The following PTK2B variants were observed in gnomAD, a reference collection of about 807,000 sequenced individuals.
PTK2B encodes protein tyrosine kinase 2 beta.
A neutral mutation model predicts 142.9 loss-of-function variants in PTK2B; 71 were observed. The ratio of observed to expected loss-of-function variants is 0.50; its 90% confidence interval spans 0.41 to 0.61. The LOEUF (loss-of-function observed/expected upper bound fraction) is 0.61. Ranked by LOEUF, PTK2B falls within the 20% of genes least tolerant of loss-of-function variation. PTK2B has a pLI of 0.00. For synonymous variants in PTK2B, 519 were observed against 503.4 expected (o/e 1.03, Z -0.42); for missense variants, 1,105 against 1,320.4 (o/e 0.84, Z 2.53).
chr8:27,430,822 G>C (rs1349392180), intron 7 of PTK2B, 54 bp from the exon 8 acceptor site: 14 of 1,591,600 alleles, frequency 8.8e-6, no homozygotes, highest in South Asian at 1.1e-5. Context: ...CTAAGGGAAG[G>C]AGTGAGACCT....
At chr8:27,397,475 C>G in intron 1 of PTK2B, 73 bp from the exon 2 acceptor site, 2 of 1,169,346 alleles carry the variant, frequency 1.7e-6, no homozygotes, top group Non-Finnish European at 2.5e-6. Context: ...TCGGTGGGTG[C>G]TGTCCCTGGG....
chr8:27,399,886 G>T (rs1808270869), intron 2 of PTK2B, among the ~76,000 whole-genome samples: 1 of 152,110 alleles, frequency 6.6e-6, no homozygotes, highest in Non-Finnish European at 1.5e-5. Context: ...AACTGATCTG[G>T]GCTTCAGTCT....
intron 2 of PTK2B, among the ~76,000 whole-genome samples, chr8:27,416,065 C>A (rs1207022946): frequency 6.6e-6 from 1 of 152,064 alleles, no homozygotes; most frequent in East Asian, 1.9e-4. Context: ...TAGCATGACC[C>A]AAACTCTATA....
chr8:27,450,259 A>T (rs1811718352), intron 24 of PTK2B, among the ~76,000 whole-genome samples: 1 of 152,156 alleles, frequency 6.6e-6, no homozygotes, highest in Admixed American at 6.5e-5. Context: ...AAGCTTCCAG[A>T]CCTGCCACCT....
chr8:27,395,033 CT>C (rs1341513535), intron 1 of PTK2B, among the ~76,000 whole-genome samples: 2 of 152,112 alleles, frequency 1.3e-5, no homozygotes, highest in African/African-American at 2.4e-5. Context: ...TGGATACCCC[CT>C]GAAGGACCTG....
chr8:27,393,794 C>T (rs969671811), intron 1 of PTK2B, among the ~76,000 whole-genome samples: 4 of 152,112 alleles, frequency 2.6e-5, no homozygotes, highest in African/African-American at 9.7e-5. Context: ...ATCCCTCACC[C>T]CCCAGAGTGG....
intron 1 of PTK2B, among the ~76,000 whole-genome samples, chr8:27,349,989 G>C (rs2130445651): frequency 6.6e-6 from 1 of 152,316 alleles, no homozygotes; most frequent in South Asian, 2.1e-4. Context: ...TTATCACCCG[G>C]TCAAGACTTC....
chr8:27,434,120 A>G lies in PTK2B; in HGVS notation c.1133A>G (p.Gln378Arg), dbSNP rs1429256178. The G allele has an allele frequency of 1.9e-6, 3 of 1,614,106 alleles. No individual in the cohort carries two copies. Among genetic ancestry groups the G allele is most frequent in the East Asian group, 2.2e-5 (1 of 44,866 alleles). Residue 378 changes from glutamine (Q) to arginine (R), a missense_variant, in exon 12 of 31, where the codon CAG (glutamine) becomes CGG (arginine). Physicochemically the swap from Gln to Arg is conservative, Grantham distance 43. Transcript: ENST00000346049. ...KDGEKRNSLP[Q>R]IPMLNLEARR... ...GGTGAGAAGCGGAACAGCCTGCCCCAGATCCCCATGCTGTGAGTACAATGG... is the reference window on the plus strand; with the variant it reads ...GGTGAGAAGCGGAACAGCCTGCCCCGGATCCCCATGCTGTGAGTACAATGG...
intron 1 of PTK2B, among the ~76,000 whole-genome samples, chr8:27,327,407 A>G (rs1179404309): frequency 2.1e-5 from 3 of 141,584 alleles, no homozygotes; most frequent in Non-Finnish European, 4.8e-5. Context: ...TAAGCACTCA[A>G]TGGTTTTTTT....
At chr8:27,374,138 G>A (rs1006931111) in intron 1 of PTK2B, among the ~76,000 whole-genome samples, 2 of 152,220 alleles carry the variant, frequency 1.3e-5, no homozygotes, top group Non-Finnish European at 2.9e-5. Context: ...CTGAGGGGCA[G>A]CAGGGGCTGC....
At chr8:27,402,794 C>A (rs1808460983) in intron 2 of PTK2B, among the ~76,000 whole-genome samples, 1 of 152,178 alleles carries the variant, frequency 6.6e-6, no homozygotes, top group Non-Finnish European at 1.5e-5. Context: ...ATGGCTACAA[C>A]CTTCATTTAA....
chr8:27,419,877 C>A lies in PTK2B; in HGVS notation c.205-18C>A. 1 of 1,613,466 alleles carries A rather than the reference C, an allele frequency of 6.2e-7. No homozygotes were observed. The highest frequency in any genetic ancestry group is 8.5e-7 in the Non-Finnish European group (1 of 1,179,594). On this transcript the variant is annotated intron_variant, in intron 2 of 30. Transcript: ENST00000346049. ...AGGTGGGCACCCCTGAGTCATGCCT[C>A]TCTCTTCTCCTCTGCAGGAGATCAT...
chr8:27,401,190 G>C (rs1275575586), intron 2 of PTK2B, among the ~76,000 whole-genome samples: 1 of 152,140 alleles, frequency 6.6e-6, no homozygotes, highest in Non-Finnish European at 1.5e-5. Context: ...CTTCTAAAAG[G>C]CTGATACAGA....
rs991697563 is a variant in PTK2B, at chr8:27,387,343, A to C, written c.-37-10205A>C. Among the ~76,000 whole-genome samples, 3 of 152,196 alleles carry C rather than the reference A, an allele frequency of 2.0e-5. No homozygotes were observed. In the East Asian group the frequency reaches 5.8e-4, roughly 29 times the overall value. On this transcript the variant is annotated intron_variant, in intron 1 of 30. Transcript: ENST00000346049. Reference sequence around the variant, plus strand: ...ATATCAGTGAGGTAGCAAGGGTGCAAATGCTATGAAGGGAGATTCAGCATG... The same window carrying C: ...ATATCAGTGAGGTAGCAAGGGTGCACATGCTATGAAGGGAGATTCAGCATG...
intron 1 of PTK2B, among the ~76,000 whole-genome samples, chr8:27,371,969 G>A (rs761656762): frequency 2.0e-4 from 31 of 152,178 alleles, no homozygotes; most frequent in Non-Finnish European, 2.1e-4. Context: ...CCAATATGAC[G>A]CTTGAGCTAG....
chr8:27,413,002 T>G (rs1468403342), intron 2 of PTK2B, among the ~76,000 whole-genome samples: 1 of 151,770 alleles, frequency 6.6e-6, no homozygotes, highest in Non-Finnish European at 1.5e-5. Context: ...GTCTCTTCTT[T>G]TTATTTTGAA....
At chr8:27,370,641 C>A (rs1395819969) in intron 1 of PTK2B, among the ~76,000 whole-genome samples, 2 of 152,248 alleles carry the variant, frequency 1.3e-5, no homozygotes, top group African/African-American at 2.4e-5. Context: ...GACTCAAGAG[C>A]AATGCAGAAT....
chr8:27,440,816 A>C (rs996994195), intron 21 of PTK2B, among the ~76,000 whole-genome samples: 1 of 152,138 alleles, frequency 6.6e-6, no homozygotes, highest in Non-Finnish European at 1.5e-5. Context: ...TTCCTCCCAG[A>C]TAGCAAGGAA....
At chr8:27,377,119 G>A (rs1806720016) in intron 1 of PTK2B, among the ~76,000 whole-genome samples, 1 of 152,278 alleles carries the variant, frequency 6.6e-6, no homozygotes, top group South Asian at 2.1e-4. Flanking sequence ...GGTAAAAGGT[G>A]TAGAAAAACT....
Sources: gnomAD v4.1 joint callset for allele counts (sites outside exome capture counted in the v4.1 genomes callset) on GRCh38, gnomAD v4.1.1 for gene constraint, MANE v1.5 for transcripts, NCBI Gene and HGNC (gene_info 2026-07-23, HGNC 2026-07-21) for gene names.